The following SOX13 variants were observed in gnomAD, a reference collection of about 807,000 sequenced individuals.
SOX13 encodes the protein transcription factor SOX-13.
Under a neutral mutation model 71.8 loss-of-function variants are expected in SOX13, and 28 were observed. That is an observed-to-expected ratio of 0.39 (90% CI 0.29 to 0.53). The LOEUF (loss-of-function observed/expected upper bound fraction) is 0.53, where lower values mean the gene tolerates loss of function less well. SOX13 is among the 20% of genes least tolerant of loss of function. The pLI, the probability that SOX13 is intolerant of heterozygous loss-of-function variation, is 0.70. For missense variants in SOX13, 627 were observed against 810.3 expected (o/e 0.77, Z 2.75); for synonymous variants, 309 against 317.8 (o/e 0.97, Z 0.29).
intron 1 of SOX13, among the ~76,000 whole-genome samples, chr1:204,096,239 G>GT (rs59094119): frequency 0.29 from 24,854 of 84,386 alleles, 6,129 homozygotes; most frequent in African/African-American, 0.46. Context: ...TCTTTCTTTC[G>GT]TTTTTTTTTT....
chr1:204,115,492 TAAAA>T (rs71145062), intron 4 of SOX13, among the ~76,000 whole-genome samples: 97 of 49,960 alleles, frequency 1.9e-3, no homozygotes, highest in African/African-American at 6.7e-3. Flanking sequence ...TTTTTTTTTT[TAAAA>T]AAAAAAAAAA....
chr1:204,099,381 G>A (rs933339731), intron 1 of SOX13, among the ~76,000 whole-genome samples: 1 of 150,796 alleles, frequency 6.6e-6, no homozygotes, highest in Non-Finnish European at 1.5e-5. Flanking sequence ...ATGCTAGACT[G>A]CCTGGGCTCA....
Position 204,126,037 on chromosome 1 carries a change from A to G in SOX13, c.1772A>G (p.His591Arg). 1.2e-6 allele frequency: 2 copies of G among 1,613,846 alleles called. No homozygotes were observed. The highest frequency in any genetic ancestry group is 2.2e-5 in the South Asian group (2 of 91,062). The change falls in exon 14 of 14, where the codon CAC becomes CGC. Residue 591 changes from histidine (H) to arginine (R), a missense_variant. This residue lies in a region of SOX13 where 148 missense variants were observed against 192.7 expected (regional missense o/e 0.77). Transcript: ENST00000367204. ...GAGGGTGAGGGCACAGATGACAGGC[A>G]CTCGGTGGCTGATGGCGAGATGTAC... is the stretch of plus-strand genomic sequence containing the variant. Reference protein sequence around the residue: ...REEGEGTDDRHSVADGEMYRY... With the variant: ...REEGEGTDDRRSVADGEMYRY...
chr1:204,096,684 G>A (rs528739002), intron 1 of SOX13, among the ~76,000 whole-genome samples: 38 of 152,004 alleles, frequency 2.5e-4, no homozygotes, highest in Middle Eastern at 6.8e-3. Context: ...CAAAGTGCTG[G>A]GATTATATGC....
In SOX13 at chr1:204,126,092, C is replaced by T. The variant is rs1064981; in HGVS notation, c.1827C>T (p.Gly609=). 0.02 allele frequency: 32,447 copies of T among 1,613,874 alleles called. 384 individuals are homozygous for T. Among genetic ancestry groups the T allele is most frequent in the Non-Finnish European group, 0.024 (27,887 of 1,179,852 alleles). ...ACAGCGAGGACGAGGACTCGGAGGG[C>T]GAAGAGAAGAGCGATGGGGAGTTGG... ...YRYSEDEDSE[G]EEKSDGELVV... The change falls in exon 14 of 14, where the codon GGC becomes GGT. Residue 609 remains glycine, a synonymous_variant. Transcript: ENST00000367204.
chr1:204,108,651 T>C (rs1176701896), intron 1 of SOX13, among the ~76,000 whole-genome samples: 2 of 151,926 alleles, frequency 1.3e-5, no homozygotes, highest in Non-Finnish European at 2.9e-5. Context: ...AAGTCCGGAG[T>C]GAGGAGGGAC....
intron 1 of SOX13, among the ~76,000 whole-genome samples, chr1:204,110,809 C>T (rs1363761187): frequency 1.3e-5 from 2 of 151,830 alleles, no homozygotes; most frequent in African/African-American, 2.4e-5. Context: ...CATACTGCAC[C>T]TGGGAGGTTT....
At chr1:204,112,527 A>ACACACT (rs34093119) in intron 1 of SOX13, among the ~76,000 whole-genome samples, 46,341 of 147,610 alleles carry the variant, frequency 0.31, 8,034 homozygotes, top group East Asian at 0.55. Context: ...ACACACACAC[A>ACACACT]CTTTCTCTCT....
Position 204,073,763 on chromosome 1 carries a change from C to G in SOX13, c.-2+52C>G, listed in dbSNP as rs1344831875. 6.6e-6 allele frequency: 1 copy of G among 152,340 alleles called. No individual in the cohort carries two copies. Among genetic ancestry groups the G allele is most frequent in the Non-Finnish European group, 1.5e-5 (1 of 68,170 alleles). 9.4% of individuals were successfully genotyped at this position (152,340 alleles called of 1,614,324 possible). On this transcript the variant is annotated intron_variant, in intron 1 of 13. Transcript: ENST00000367204. This position sits in a 1 kb window ranked among gnomAD's most constrained non-coding sequence, Gnocchi z 6.8. ...CGCGCCGTCGCGCCCATTTCCCCAG[C>G]TCTCTGAAGTTTGACACTTGCGCCC...
chr1:204,108,715 C>T (rs549442660), intron 1 of SOX13, among the ~76,000 whole-genome samples: 2 of 152,342 alleles, frequency 1.3e-5, no homozygotes, highest in South Asian at 2.1e-4. Context: ...GCTGAGCCGA[C>T]GGATCAGAGG....
At chr1:204,086,065 T>C (rs1464012954) in intron 1 of SOX13, among the ~76,000 whole-genome samples, 2 of 151,956 alleles carry the variant, frequency 1.3e-5, no homozygotes, top group Non-Finnish European at 2.9e-5. Flanking sequence ...TGTGAAAGTA[T>C]GAGTATGTGT....
Position 204,081,132 on chromosome 1 carries a change from C to T in SOX13, c.-2+7421C>T, listed in dbSNP as rs905184268. ...TTCTCCATGTTGGTTAGGCTGGTCT[C>T]GAACTCCCGACCTCAGGTGATCCGC... On this transcript the variant is annotated intron_variant, in intron 1 of 13. Transcript: ENST00000367204. The surrounding 1 kb of genome is among the most constrained non-coding windows in gnomAD (Gnocchi z 4.3). Among the ~76,000 whole-genome samples, 5 of 152,122 alleles carry T rather than the reference C, an allele frequency of 3.3e-5. No individual in the cohort carries two copies. The highest frequency in any genetic ancestry group is 2.1e-4 in the South Asian group (1 of 4,826).
At chr1:204,117,241 A>G in intron 6 of SOX13, 51 bp downstream of exon 6, 3 of 1,533,656 alleles carry the variant, frequency 2.0e-6, no homozygotes, top group Non-Finnish European at 2.7e-6. Flanking sequence ...GAGGGAGTTG[A>G]CACCGGCCTG....
In SOX13 at chr1:204,126,201, C is replaced by G; in HGVS notation, c.*67C>G. The G allele has an allele frequency of 6.6e-7, 1 of 1,521,506 alleles. No homozygotes were observed. The highest frequency in any genetic ancestry group is 2.3e-5 in the East Asian group (1 of 43,762). 94.3% of individuals were successfully genotyped at this position (1,521,506 alleles called of 1,614,324 possible). On this transcript the variant is annotated 3_prime_UTR_variant, in exon 14 of 14. Coordinates refer to ENST00000367204, the MANE Select transcript of SOX13 (RefSeq NM_005686.3). ...CCTTGTCCCAACTCGATGGGCACAG[C>G]CAGCCAACCTAAGACTATGTTGGTA...
chr1:204,089,744 G>A (rs553095169), intron 1 of SOX13, among the ~76,000 whole-genome samples: 2 of 152,318 alleles, frequency 1.3e-5, no homozygotes, highest in East Asian at 3.9e-4. Flanking sequence ...CAGCACCTGT[G>A]GCACCCTCTC....
chr1:204,121,134 C>T (rs557969054), intron 7 of SOX13, among the ~76,000 whole-genome samples: 11 of 152,178 alleles, frequency 7.2e-5, no homozygotes, highest in African/African-American at 1.4e-4. Context: ...CGCGTGCCAC[C>T]GCACCCGGCT....
At chr1:204,104,016 G>C (rs1656409325) in intron 1 of SOX13, among the ~76,000 whole-genome samples, 1 of 152,208 alleles carries the variant, frequency 6.6e-6, no homozygotes, top group Non-Finnish European at 1.5e-5. Flanking sequence ...GACCAGGTGG[G>C]AACATCACAG....
chr1:204,103,145 T>A (rs1656394234), intron 1 of SOX13, among the ~76,000 whole-genome samples: 1 of 152,224 alleles, frequency 6.6e-6, no homozygotes, highest in Non-Finnish European at 1.5e-5. Context: ...ACAAAATAGT[T>A]CTTGGAATCT....
At chr1:204,104,722 A>G (rs1656428678) in intron 1 of SOX13, among the ~76,000 whole-genome samples, 1 of 152,182 alleles carries the variant, frequency 6.6e-6, no homozygotes, top group Non-Finnish European at 1.5e-5. Context: ...AAGTGTAGCC[A>G]TTGGCCCTCT....
Sources: allele counts gnomAD v4.1 joint callset (sites outside exome capture counted in the v4.1 genomes callset), GRCh38; gene constraint gnomAD v4.1.1; regional missense constraint gnomAD v4.1.1; non-coding constraint Gnocchi (gnomAD v3.1); transcripts MANE v1.5; gene names NCBI Gene and HGNC (gene_info 2026-07-23, HGNC 2026-07-21).